The following PRDM2 variants were observed in gnomAD, a reference collection of about 807,000 sequenced individuals.
PRDM2 encodes the protein PR domain zinc finger protein 2.
PRDM2 carries 30 observed loss-of-function variants against 130.0 expected under a neutral mutation model. That is an observed-to-expected ratio of 0.23 (90% CI 0.17 to 0.31). The LOEUF is 0.31. Ranked by LOEUF, PRDM2 falls within the 10% of genes least tolerant of loss-of-function variation. The probability of loss-of-function intolerance (pLI) is 1.00; values close to 1 mark genes in which losing one functional copy is unlikely to be tolerated. For synonymous variants in PRDM2, 871 were observed against 782.4 expected (o/e 1.11, Z -1.89); for missense variants, 2,011 against 2,108.4 (o/e 0.95, Z 0.90).
chr1:13,756,127 G>C (rs1643945519), intron 6 of PRDM2, among the ~76,000 whole-genome samples: 1 of 151,798 alleles, frequency 6.6e-6, no homozygotes, highest in South Asian at 2.1e-4. Flanking sequence ...GCTGGGCGTG[G>C]TGGCGGGCGC....
chr1:13,730,406 C>G (rs774485545), intron 2 of PRDM2, among the ~76,000 whole-genome samples: 11 of 152,120 alleles, frequency 7.2e-5, no homozygotes, highest in Non-Finnish European at 1.6e-4. Flanking sequence ...TGTTTAGTGA[C>G]TTGGTAAACA....
chr1:13,716,503 A>G (rs1642546522), intron 2 of PRDM2, among the ~76,000 whole-genome samples: 1 of 152,228 alleles, frequency 6.6e-6, no homozygotes, highest in Non-Finnish European at 1.5e-5. Flanking sequence ...GAGACTGCAA[A>G]TGATCAAAGA....
In PRDM2 at chr1:13,823,999, A is replaced by G. The variant is rs1645395549; in HGVS notation, c.*864A>G. 1 of 152,564 alleles carries G rather than the reference A, an allele frequency of 6.6e-6. No homozygotes were observed. The highest frequency in any genetic ancestry group is 1.5e-5 in the Non-Finnish European group (1 of 68,042). 9.5% of individuals were successfully genotyped at this position (152,564 alleles called of 1,614,324 possible). A position where few individuals can be genotyped will look rare whatever the true frequency, so the allele number is the denominator to read the frequency against. Reference sequence around the variant, plus strand: ...GCTTCTCAAATTAGCTGCAATAGGAAAAAAACAAATTGGGAAATGAAAAAA... The same window carrying G: ...GCTTCTCAAATTAGCTGCAATAGGAGAAAAACAAATTGGGAAATGAAAAAA... On this transcript the variant is annotated 3_prime_UTR_variant, in exon 10 of 10. Transcript: ENST00000311066.
At position 13,773,204 on chromosome 1, in the gene PRDM2, T is replaced by C; in HGVS notation, c.622+16T>C. ...TCTGCAGAAGGTAAGCTTGTGATAT[T>C]GGCTTGGTCTGAATTGGGTGTGTAT... On this transcript the variant is annotated intron_variant, in intron 7 of 9. Coordinates refer to ENST00000311066, the MANE Select transcript of PRDM2 (RefSeq NM_001393986.1). The C allele has an allele frequency of 1.4e-6, 2 of 1,472,612 alleles. No homozygotes were observed. Among genetic ancestry groups the C allele is most frequent in the Non-Finnish European group, 1.8e-6 (2 of 1,093,350 alleles). 91.2% of individuals were successfully genotyped at this position (1,472,612 alleles called of 1,614,324 possible). A position where few individuals can be genotyped will look rare whatever the true frequency, so the allele number is the denominator to read the frequency against.
chr1:13,813,197 A>G (rs1191472041), intron 8 of PRDM2, among the ~76,000 whole-genome samples: 1 of 152,216 alleles, frequency 6.6e-6, no homozygotes, highest in Non-Finnish European at 1.5e-5. Flanking sequence ...GATTTGCAGA[A>G]GATCAACCTG....
At position 13,779,612 on chromosome 1, in the gene PRDM2, C is replaced by A. The variant is rs1465880803; in HGVS notation, c.1817C>A (p.Thr606Lys). 4.0e-5 allele frequency: 64 copies of A among 1,614,020 alleles called. No homozygotes were observed. Among genetic ancestry groups the A allele is most frequent in the Non-Finnish European group, 5.3e-5 (63 of 1,179,946 alleles). Residue 606 changes from threonine to lysine, a missense_variant, in exon 8 of 10, where the codon ACA becomes AAA. Physicochemically the swap from Thr to Lys is moderately conservative, Grantham distance 78 (BLOSUM62 -1). Around this residue, in one of 5 missense-constraint regions of PRDM2, gnomAD observed 1,288 missense variants for 1,237.7 expected, o/e 1.04. Coordinates refer to ENST00000311066, the MANE Select transcript of PRDM2 (RefSeq NM_001393986.1). This position sits in a 1 kb window ranked among gnomAD's most constrained non-coding sequence, Gnocchi z 4.9. ...YGINCLLTPV[T>K]VEITQNIKTT... ...ATAAATTGTCTGCTCACTCCAGTTA[C>A]AGTGGAAATTACTCAAAATATAAAG...
rs540170350 is a variant in PRDM2, at chr1:13,771,446, T to G, written c.512-1632T>G. Among the ~76,000 whole-genome samples, 178 of 152,332 alleles carry G rather than the reference T, an allele frequency of 1.2e-3. 3 individuals are homozygous for G. In the South Asian group the frequency reaches 0.036, roughly 31 times the overall value. ...TTCCTATGGGCTGAAGAATTAGGTATGTAGGCCGGGCACGGTGGCTCATGC... is the reference window on the plus strand; with the variant it reads ...TTCCTATGGGCTGAAGAATTAGGTAGGTAGGCCGGGCACGGTGGCTCATGC... On this transcript the variant is annotated intron_variant, in intron 6 of 9. Transcript: ENST00000311066. The surrounding 1 kb of genome is among the most constrained non-coding windows in gnomAD (Gnocchi z 4.1).
At chr1:13,816,356 C>A in intron 8 of PRDM2, 71 bp from the exon 9 acceptor site, 1 of 1,566,436 alleles carries the variant, frequency 6.4e-7, no homozygotes, top group South Asian at 1.1e-5. Flanking sequence ...ACTAAGGAAG[C>A]CCCCCCAGCA....
chr1:13,702,105 G>A (rs1303120850), intron 1 of PRDM2, among the ~76,000 whole-genome samples: 1 of 152,146 alleles, frequency 6.6e-6, no homozygotes, highest in Non-Finnish European at 1.5e-5. Context: ...CATTGTTAAC[G>A]TTTGGCAGAT....
intron 6 of PRDM2, among the ~76,000 whole-genome samples, chr1:13,757,087 A>C (rs912887405): frequency 2.0e-5 from 3 of 152,238 alleles, no homozygotes; most frequent in Non-Finnish European, 4.4e-5. Flanking sequence ...AGAAGTGCCC[A>C]CTTTAATTCT....
intron 2 of PRDM2, chr1:13,722,821 A>G (rs779899581): frequency 1.9e-6 from 1 of 516,508 alleles, no homozygotes; most frequent in South Asian, 1.4e-5. Flanking sequence ...ACTAGATTTT[A>G]TTTAGAAAGT....
intron 8 of PRDM2, among the ~76,000 whole-genome samples, chr1:13,813,774 A>G (rs1231600877): frequency 6.6e-6 from 1 of 152,158 alleles, no homozygotes; most frequent in African/African-American, 2.4e-5. Flanking sequence ...TTCCACCCAG[A>G]TGGACGCCCT....
In PRDM2 at chr1:13,779,351, G is replaced by A. The variant is rs764091420; in HGVS notation, c.1556G>A (p.Gly519Glu). The A allele has an allele frequency of 1.2e-6, 2 of 1,614,002 alleles. No homozygotes were observed. Among genetic ancestry groups the A allele is most frequent in the African/African-American group, 1.3e-5 (1 of 74,896 alleles). ...HLIPKGVRRK[G>E]GLEEPQPPAE... The stretch of plus-strand genomic sequence containing the variant: ...ATTCCCAAAGGTGTACGGCGAAAAG[G>A]AGGCCTTGAAGAGCCCCAGCCTCCA... The change falls in exon 8 of 10, where the codon GGA becomes GAA. Residue 519 changes from glycine (G) to glutamate (E), a missense_variant. Coordinates refer to ENST00000311066, the MANE Select transcript of PRDM2 (RefSeq NM_001393986.1). This position sits in a 1 kb window ranked among gnomAD's most constrained non-coding sequence, Gnocchi z 4.9.
At chr1:13,816,342 C>T in intron 8 of PRDM2, 85 bp from the exon 9 acceptor site, 1 of 1,528,178 alleles carries the variant, frequency 6.5e-7, no homozygotes, top group Non-Finnish European at 8.9e-7. Flanking sequence ...AAGTGGTGAC[C>T]AGCACTAAGG....
intron 8 of PRDM2, among the ~76,000 whole-genome samples, chr1:13,813,319 G>A (rs1056282827): frequency 6.6e-6 from 1 of 152,120 alleles, no homozygotes; most frequent in Admixed American, 6.6e-5. Flanking sequence ...ACCCAATTCC[G>A]GAGCCTTGGT....
chr1:13,707,759 T>A (rs143973305), intron 1 of PRDM2, among the ~76,000 whole-genome samples: 159 of 152,330 alleles, frequency 1.0e-3, no homozygotes, highest in Middle Eastern at 3.4e-3. Flanking sequence ...GAAATTAACA[T>A]TTTAATTCAA....
intron 2 of PRDM2, among the ~76,000 whole-genome samples, chr1:13,729,886 C>A (rs1643047414): frequency 6.6e-6 from 1 of 152,162 alleles, no homozygotes; most frequent in Admixed American, 6.5e-5. Flanking sequence ...AGATTTATTT[C>A]TCTTGAAGTA....
intron 8 of PRDM2, among the ~76,000 whole-genome samples, chr1:13,786,188 C>T (rs1208539693): frequency 6.6e-6 from 1 of 151,912 alleles, no homozygotes; most frequent in Admixed American, 6.6e-5. Flanking sequence ...CTTTTCAAAC[C>T]GAGTTCCCAT....
chr1:13,714,029 C>T (rs1477787752), intron 1 of PRDM2, among the ~76,000 whole-genome samples: 1 of 152,178 alleles, frequency 6.6e-6, no homozygotes, highest in Non-Finnish European at 1.5e-5. Flanking sequence ...CCACCACACC[C>T]AGCTAATTTT....
Sources: gnomAD v4.1 joint callset for allele counts (sites outside exome capture counted in the v4.1 genomes callset) on GRCh38, gnomAD v4.1.1 for gene constraint, gnomAD v4.1.1 regional missense constraint, Gnocchi (gnomAD v3.1) non-coding constraint, MANE v1.5 for transcripts, NCBI Gene and HGNC (gene_info 2026-07-23, HGNC 2026-07-21) for gene names.